Variants in ENTREP2 observed in about 807,000 individuals in gnomAD.
The protein encoded by ENTREP2 is endosomal transmembrane epsin interactor 2, also known as protein ENTREP2.
At chr15:29,412,789 T>C in the ENTREP2 span, among the ~76,000 whole-genome samples, 33,082 of 152,110 alleles carry the variant, frequency 0.22, 3,951 homozygotes, top group Middle Eastern at 0.39. Context: ...ATCCTCTTTA[T>C]TGCAGCCTTA....
At chr15:29,407,514 G>A in the ENTREP2 span, among the ~76,000 whole-genome samples, 2 of 152,246 alleles carry the variant, frequency 1.3e-5, no homozygotes, top group Admixed American at 1.3e-4. Flanking sequence ...GAAAACAGAG[G>A]CTCTAGCCCA....
the ENTREP2 span, among the ~76,000 whole-genome samples, chr15:29,516,048 C>T: frequency 6.6e-6 from 1 of 152,084 alleles, no homozygotes; most frequent in East Asian, 1.9e-4. Flanking sequence ...GAGCCTCAAG[C>T]AGAGGTTCTT....
chr15:29,328,415 T>C, the ENTREP2 span, among the ~76,000 whole-genome samples: 3 of 152,180 alleles, frequency 2.0e-5, no homozygotes, highest in Admixed American at 1.3e-4. Context: ...TCTGCAGATA[T>C]GCTAACTTTT....
chr15:29,546,495 A>T, the ENTREP2 span, among the ~76,000 whole-genome samples: 11 of 152,228 alleles, frequency 7.2e-5, no homozygotes, highest in African/African-American at 2.4e-4. Flanking sequence ...AAGAGGAGCC[A>T]GATGTCAAAA....
chr15:29,269,347 T>C, the ENTREP2 span: 441 of 1,614,184 alleles, frequency 2.7e-4, 10 homozygotes, highest in South Asian at 4.1e-3. Flanking sequence ...GAAGATGTCC[T>C]TGTAGTCCCC....
the ENTREP2 span, among the ~76,000 whole-genome samples, chr15:29,404,310 C>G: frequency 1.3e-5 from 2 of 152,016 alleles, no homozygotes; most frequent in African/African-American, 4.8e-5. Flanking sequence ...ATATGGACAA[C>G]TCGTGCCATG....
the ENTREP2 span, among the ~76,000 whole-genome samples, chr15:29,232,686 T>TGTTC: frequency 1.3e-5 from 2 of 151,292 alleles, no homozygotes; most frequent in Non-Finnish European, 2.9e-5. Flanking sequence ...TTTGTTTGTT[T>TGTTC]GTTTAAGAGA....
At chr15:29,229,951 CAAACTT>C in the ENTREP2 span, among the ~76,000 whole-genome samples, 2 of 138,162 alleles carry the variant, frequency 1.4e-5, no homozygotes, top group African/African-American at 2.5e-5. Flanking sequence ...AAAGACACTT[CAAACTT>C]AACATTAAAA....
the ENTREP2 span, among the ~76,000 whole-genome samples, chr15:29,258,295 A>G: frequency 6.6e-6 from 1 of 152,168 alleles, no homozygotes; most frequent in Non-Finnish European, 1.5e-5. Flanking sequence ...CGGCAGTCCC[A>G]TATCATTCAA....
the ENTREP2 span, among the ~76,000 whole-genome samples, chr15:29,353,304 G>A: frequency 2.0e-5 from 3 of 152,132 alleles, no homozygotes; most frequent in South Asian, 2.1e-4. Context: ...AGTGCTGCAC[G>A]CAAAAGAGAA....
At chr15:29,267,487 T>C in the ENTREP2 span, 1 of 152,196 alleles carries the variant, frequency 6.6e-6, no homozygotes, top group African/African-American at 2.4e-5. Context: ...ACAACCACCA[T>C]GCTGACAAGT....
chr15:29,298,037 T>C, the ENTREP2 span, among the ~76,000 whole-genome samples: 1 of 152,130 alleles, frequency 6.6e-6, no homozygotes, highest in African/African-American at 2.4e-5. Flanking sequence ...CTTCAACAAA[T>C]GTCAAAAGTT....
the ENTREP2 span, among the ~76,000 whole-genome samples, chr15:29,537,087 A>G: frequency 0.34 from 52,094 of 152,018 alleles, 9,077 homozygotes; most frequent in East Asian, 0.42. Context: ...CTTTTTATGT[A>G]TACGTAACAT....
chr15:29,345,663 C>T, the ENTREP2 span, among the ~76,000 whole-genome samples: 1 of 151,856 alleles, frequency 6.6e-6, no homozygotes, highest in African/African-American at 2.4e-5. Flanking sequence ...CTGATAACAC[C>T]CCCCAGGGAT....
At chr15:29,497,621 G>C in the ENTREP2 span, among the ~76,000 whole-genome samples, 5 of 152,006 alleles carry the variant, frequency 3.3e-5, no homozygotes, top group East Asian at 9.6e-4. Context: ...TAATCCTGTG[G>C]TATCAATTGT....
At chr15:29,556,633 C>T in the ENTREP2 span, among the ~76,000 whole-genome samples, 1 of 152,132 alleles carries the variant, frequency 6.6e-6, no homozygotes, top group Admixed American at 6.6e-5. Context: ...GGTACACACC[C>T]GGCTGACTCC....
the ENTREP2 span, among the ~76,000 whole-genome samples, chr15:29,300,667 C>T: frequency 1.3e-5 from 2 of 152,044 alleles, no homozygotes; most frequent in Non-Finnish European, 1.5e-5. Flanking sequence ...GGTGCGATCT[C>T]GGCTCACTGC....
the ENTREP2 span, among the ~76,000 whole-genome samples, chr15:29,148,527 A>T: frequency 6.6e-6 from 1 of 152,252 alleles, no homozygotes; most frequent in South Asian, 2.1e-4. Flanking sequence ...AATACTTCTA[A>T]CACCTAATAC....
At chr15:29,434,879 GCATGGCAGAC>G in the ENTREP2 span, among the ~76,000 whole-genome samples, 5 of 152,142 alleles carry the variant, frequency 3.3e-5, no homozygotes, top group African/African-American at 1.2e-4. Context: ...CAAGAAGAAA[GCATGGCAGAC>G]CATGGCCCGA....
Sources: allele counts gnomAD v4.1 joint callset (sites outside exome capture counted in the v4.1 genomes callset), GRCh38; gene constraint gnomAD v4.1.1; transcripts MANE v1.5; gene names NCBI Gene and HGNC (gene_info 2026-07-23, HGNC 2026-07-21).